The following TMPRSS11F variants were observed in gnomAD, a reference collection of about 807,000 sequenced individuals.
TMPRSS11F encodes transmembrane serine protease 11F.
A neutral mutation model predicts 60.2 loss-of-function variants in TMPRSS11F; 47 were observed. The ratio of observed to expected loss-of-function variants is 0.78; its 90% confidence interval spans 0.62 to 1.00. The LOEUF is 1.00. Ranked by LOEUF, TMPRSS11F falls within the 50% of genes least tolerant of loss-of-function variation. TMPRSS11F has a pLI of 0.00. For synonymous variants in TMPRSS11F, 166 were observed against 167.3 expected (o/e 0.99, Z 0.06); for missense variants, 519 against 522.9 (o/e 0.99, Z 0.07).
chr4:68,059,436 C>G lies in TMPRSS11F; in HGVS notation c.1048G>C (p.Val350Leu), dbSNP rs1221823167. ...CACACATCAGTGCTTATGGTTTCCACTCTGGCTTGCCGAAGTGTATTTTGT... is the reference window on the plus strand; with the variant it reads ...CACACATCAGTGCTTATGGTTTCCAGTCTGGCTTGCCGAAGTGTATTTTGT... ...PIQNTLRQAR[V>L]ETISTDVCNR... The change falls in exon 9 of 10, where the codon GTG (valine) becomes CTG (leucine). Residue 350 changes from valine (V) to leucine (L), a missense_variant. Coordinates refer to ENST00000356291, the MANE Select transcript of TMPRSS11F (RefSeq NM_207407.2). The G allele has an allele frequency of 6.2e-7, 1 of 1,613,790 alleles. No individual in the cohort carries two copies. Among genetic ancestry groups the G allele is most frequent in the East Asian group, 2.2e-5 (1 of 44,830 alleles).
intron 1 of TMPRSS11F, among the ~76,000 whole-genome samples, chr4:68,129,050 T>C (rs181105167): frequency 5.6e-4 from 86 of 152,292 alleles, no homozygotes; most frequent in Non-Finnish European, 1.0e-3. Flanking sequence ...GTGGGAAATT[T>C]GTGTCTGTAG....
chr4:68,056,421 C>T (rs1473778967), intron 9 of TMPRSS11F, among the ~76,000 whole-genome samples: 1 of 123,356 alleles, frequency 8.1e-6, no homozygotes, highest in East Asian at 2.4e-4. Flanking sequence ...AATCCATTTA[C>T]AATAGCAACA....
chr4:68,060,579 G>A (rs1184035734), intron 8 of TMPRSS11F, among the ~76,000 whole-genome samples: 1 of 117,540 alleles, frequency 8.5e-6, no homozygotes, highest in Non-Finnish European at 1.8e-5. Flanking sequence ...GGATATCCTT[G>A]ACAGAAACAT....
At chr4:68,070,456 C>A (rs1344256246) in intron 5 of TMPRSS11F, among the ~76,000 whole-genome samples, 1 of 152,150 alleles carries the variant, frequency 6.6e-6, no homozygotes, top group African/African-American at 2.4e-5. Flanking sequence ...GCATCACAGA[C>A]CCCTGAGGGC....
In TMPRSS11F at chr4:68,113,216, G is replaced by A. The variant is rs1024911945; in HGVS notation, c.12-14178C>T. Among the ~76,000 whole-genome samples, 6 of 152,244 alleles carry A rather than the reference G, an allele frequency of 3.9e-5. No homozygotes were observed. In the East Asian group the frequency reaches 7.7e-4, roughly 20 times the overall value. On this transcript the variant is annotated intron_variant, in intron 1 of 9. Transcript: ENST00000356291. ...TGGTGAGGTCTCAGAAATGAGAAACGTGTTATTGGACAATGGAGAAAAGGC... is the reference window on the plus strand; with the variant it reads ...TGGTGAGGTCTCAGAAATGAGAAACATGTTATTGGACAATGGAGAAAAGGC...
At chr4:68,076,729 C>T (rs1723591500) in intron 3 of TMPRSS11F, among the ~76,000 whole-genome samples, 2 of 152,328 alleles carry the variant, frequency 1.3e-5, no homozygotes, top group South Asian at 4.1e-4. Context: ...TTCCCATAAC[C>T]AATGGCAGTC....
intron 8 of TMPRSS11F, 79 bp from the exon 9 acceptor site, chr4:68,059,547 A>T (rs1723114042): frequency 7.2e-7 from 1 of 1,389,686 alleles, no homozygotes; most frequent in African/African-American, 1.4e-5. Flanking sequence ...AAGACACATA[A>T]ATTGTAGCAA....
In TMPRSS11F at chr4:68,053,782, T is replaced by C. The variant is rs180681421; in HGVS notation, c.*127A>G. The C allele has an allele frequency of 2.6e-4, 235 of 904,558 alleles. No homozygotes were observed. Among genetic ancestry groups the C allele is most frequent in the Admixed American group, 4.3e-4 (16 of 36,830 alleles). The allele number at this position is 904,558 out of a possible 1,614,324, so 56.0% of individuals were successfully genotyped here. A position where few individuals can be genotyped will look rare whatever the true frequency, so the allele number is the denominator to read the frequency against. ...AGGCCACCTCAGGATATTAGATTTG[T>C]CTGGGTCTGAAGGGCTTCTTGACAT... On this transcript the variant is annotated 3_prime_UTR_variant, in exon 10 of 10. Transcript: ENST00000356291.
chr4:68,112,482 G>A (rs915999086), intron 1 of TMPRSS11F, among the ~76,000 whole-genome samples: 4 of 151,960 alleles, frequency 2.6e-5, no homozygotes, highest in African/African-American at 7.3e-5. Context: ...TGTTCCCATG[G>A]TGCCCTATAT....
intron 2 of TMPRSS11F, among the ~76,000 whole-genome samples, chr4:68,096,786 T>G (rs566632505): frequency 6.6e-6 from 1 of 152,298 alleles, no homozygotes; most frequent in African/African-American, 2.4e-5. Flanking sequence ...CTTTTACCAC[T>G]ATGTCTGCTG....
intron 3 of TMPRSS11F, among the ~76,000 whole-genome samples, chr4:68,082,699 G>C (rs1338426600): frequency 3.9e-5 from 6 of 152,248 alleles, no homozygotes; most frequent in Non-Finnish European, 7.3e-5. Flanking sequence ...CGTTGGGTTA[G>C]AGCACATAGT....
chr4:68,069,205 G>A (rs1216355890), intron 6 of TMPRSS11F, among the ~76,000 whole-genome samples: 1 of 152,150 alleles, frequency 6.6e-6, no homozygotes, highest in Non-Finnish European at 1.5e-5. Flanking sequence ...AAGTGACAGA[G>A]TGGGATACAA....
intron 7 of TMPRSS11F, among the ~76,000 whole-genome samples, chr4:68,065,393 G>A (rs1165203394): frequency 6.6e-6 from 1 of 152,110 alleles, no homozygotes; most frequent in Non-Finnish European, 1.5e-5. Context: ...AAACCTTCAT[G>A]TATACACATG....
intron 7 of TMPRSS11F, among the ~76,000 whole-genome samples, chr4:68,066,770 C>T (rs913544173): frequency 6.6e-6 from 1 of 151,512 alleles, no homozygotes; most frequent in Non-Finnish European, 1.5e-5. Context: ...CCTGTCACTA[C>T]TAAAAATAAA....
Position 68,070,013 on chromosome 4 carries a change from AT to A in TMPRSS11F, c.515-7del, listed in dbSNP as rs1560395725. On this transcript the variant is annotated splice_polypyrimidine_tract_variant and splice_region_variant and intron_variant, in intron 5 of 9. Transcript: ENST00000356291. ...CATCTTTTTGCTGTCAATAGCTGGA[AT>A]AAGCAAAACATGAATTAGTTGGCAG... The A allele has an allele frequency of 1.9e-6, 3 of 1,603,216 alleles. No homozygotes were observed. Among genetic ancestry groups the A allele is most frequent in the Non-Finnish European group, 2.6e-6 (3 of 1,174,338 alleles).
chr4:68,102,984 G>GTTT (rs55755444), intron 1 of TMPRSS11F, among the ~76,000 whole-genome samples: 60 of 138,162 alleles, frequency 4.3e-4, no homozygotes, highest in Admixed American at 1.4e-3. Flanking sequence ...ATTTTGAGTT[G>GTTT]TTTTTTTTTT....
intron 3 of TMPRSS11F, among the ~76,000 whole-genome samples, chr4:68,078,755 C>T (rs1363193862): frequency 3.3e-5 from 5 of 152,158 alleles, no homozygotes; most frequent in African/African-American, 9.7e-5. Context: ...AGTGACCTCA[C>T]ATATTTGGGT....
rs202157281 is a variant in TMPRSS11F at position 68,057,913 on chromosome 4, GGAC to G, written c.1158+1410_1158+1412del. Among the ~76,000 whole-genome samples the G allele has an allele frequency of 1.7e-3, 255 of 152,158 alleles. 2 individuals carry two copies. The highest frequency in any genetic ancestry group is 6.0e-3 in the African/African-American group (249 of 41,524). Reference sequence around the variant, plus strand: ...AAAAAGAATAAATTCTGTCCATTTGGGACAACATACATGAATCTAGAGGACATT... The same window carrying G: ...AAAAAGAATAAATTCTGTCCATTTGGAACATACATGAATCTAGAGGACATT... On this transcript the variant is annotated intron_variant, in intron 9 of 9. Coordinates refer to ENST00000356291, the MANE Select transcript of TMPRSS11F (RefSeq NM_207407.2).
At chr4:68,124,814 G>A (rs956367630) in intron 1 of TMPRSS11F, among the ~76,000 whole-genome samples, 1 of 151,934 alleles carries the variant, frequency 6.6e-6, no homozygotes, top group Non-Finnish European at 1.5e-5. Flanking sequence ...CCTACACTCC[G>A]TTTCGCACTG....
Sources: gnomAD v4.1 joint callset for allele counts (sites outside exome capture counted in the v4.1 genomes callset) on GRCh38, gnomAD v4.1.1 for gene constraint, MANE v1.5 for transcripts, NCBI Gene and HGNC (gene_info 2026-07-23, HGNC 2026-07-21) for gene names.